SEC23A: variants seen among roughly 807,000 people sequenced by gnomAD.
SEC23A encodes the protein SEC23 homolog A, COPII component, also known as protein transport protein Sec23A.
SEC23A carries 56 observed loss-of-function variants against 103.7 expected under a neutral mutation model. That is an observed-to-expected ratio of 0.54 (90% CI 0.44 to 0.67). SEC23A has a LOEUF of 0.67. Among genes scored for constraint, SEC23A ranks in the 30% least tolerant of loss-of-function variants. The probability of loss-of-function intolerance (pLI) is 0.00; values close to 1 mark genes in which losing one functional copy is unlikely to be tolerated. For missense variants in SEC23A, 784 were observed against 936.4 expected (o/e 0.84, Z 2.12); for synonymous variants, 281 against 293.0 (o/e 0.96, Z 0.42).
chr14:39,074,835 T>C (rs1032832810), intron 8 of SEC23A, among the ~76,000 whole-genome samples: 39 of 152,142 alleles, frequency 2.6e-4, no homozygotes, highest in African/African-American at 9.4e-4. Context: ...AGGCTGGGCG[T>C]GGTGGCTCAC....
At chr14:39,045,999 G>T (rs1292355383) in intron 15 of SEC23A, among the ~76,000 whole-genome samples, 1 of 152,174 alleles carries the variant, frequency 6.6e-6, no homozygotes, top group Non-Finnish European at 1.5e-5. Flanking sequence ...ATGTCAGGGG[G>T]CAGTTTCCCC....
At chr14:39,081,936 T>C (rs1383111098) in intron 7 of SEC23A, among the ~76,000 whole-genome samples, 1 of 152,106 alleles carries the variant, frequency 6.6e-6, no homozygotes, top group Non-Finnish European at 1.5e-5. Context: ...AGGGTGCACA[T>C]GAAGCATTAT....
chr14:39,096,241 T>G, intron 1 of SEC23A, 102 bp from the exon 2 acceptor site: 1 of 826,810 alleles, frequency 1.2e-6, no homozygotes, highest in Non-Finnish European at 2.0e-6. Flanking sequence ...ACCTTAGAAA[T>G]CAGGACCAGC....
At chr14:39,042,227 A>G in intron 17 of SEC23A, among the ~76,000 whole-genome samples, 1 of 152,258 alleles carries the variant, frequency 6.6e-6, no homozygotes, top group Admixed American at 6.5e-5. Flanking sequence ...ATCCAGAGGA[A>G]GCACTTAACA....
At chr14:39,056,408 C>T (rs1416738638) in intron 13 of SEC23A, among the ~76,000 whole-genome samples, 4 of 152,190 alleles carry the variant, frequency 2.6e-5, no homozygotes. Flanking sequence ...GCTGGAATAA[C>T]AGGCGTGAGC....
intron 7 of SEC23A, among the ~76,000 whole-genome samples, chr14:39,079,069 C>T (rs143940449): frequency 6.6e-6 from 1 of 152,196 alleles, no homozygotes; most frequent in East Asian, 1.9e-4. Flanking sequence ...AAGAACGAGA[C>T]TACATCCAAT....
chr14:39,049,255 A>G (rs1594442297), intron 14 of SEC23A, among the ~76,000 whole-genome samples: 1 of 152,012 alleles, frequency 6.6e-6, no homozygotes, highest in Admixed American at 6.6e-5. Context: ...AGGCGGGCGG[A>G]TCACAAGGTC....
Position 39,048,892 on chromosome 14 carries a change from C to T in SEC23A, c.1660-163G>A, listed in dbSNP as rs57049071. On this transcript the variant is annotated intron_variant, in intron 14 of 19. Coordinates refer to ENST00000307712, the MANE Select transcript of SEC23A (RefSeq NM_006364.4). ...TTATAGACTTACCAAGAGACAAAAC[C>T]AAAGAAAAAACATCTAAATTTCAGA... Among the ~76,000 whole-genome samples, 20,022 of 151,832 alleles carry T rather than the reference C, an allele frequency of 0.13. 1,383 individuals are homozygous for T. The highest frequency in any genetic ancestry group is 0.18 in the Middle Eastern group (52 of 294).
intron 18 of SEC23A, chr14:39,039,960 A>G (rs1434340766): frequency 6.6e-6 from 1 of 152,226 alleles, no homozygotes; most frequent in Non-Finnish European, 1.5e-5. Context: ...AGTAAAACTA[A>G]TAGTAATTAT....
At chr14:39,054,315 G>A (rs760348704) in intron 14 of SEC23A, among the ~76,000 whole-genome samples, 7 of 151,658 alleles carry the variant, frequency 4.6e-5, no homozygotes, top group Non-Finnish European at 1.0e-4. Flanking sequence ...AGTGCTCTGT[G>A]TCATAATGTA....
chr14:39,057,305 C>CAAAAAAAAA, intron 13 of SEC23A, among the ~76,000 whole-genome samples: 1 of 144,216 alleles, frequency 6.9e-6, no homozygotes. Flanking sequence ...GACTTTGTCT[C>CAAAAAAAAA]AAAAAAAAAA....
chr14:39,055,053 G>A (rs1179992809), intron 14 of SEC23A, 90 bp downstream of exon 14: 2 of 1,472,864 alleles, frequency 1.4e-6, no homozygotes, highest in Non-Finnish European at 1.9e-6. Flanking sequence ...CAGATACACT[G>A]TTAAGTACTT....
chr14:39,068,796 A>G (rs1445378756), intron 9 of SEC23A, among the ~76,000 whole-genome samples: 1 of 152,186 alleles, frequency 6.6e-6, no homozygotes, highest in Non-Finnish European at 1.5e-5. Context: ...AAAATAGGCA[A>G]AAGAATAAAA....
Position 39,076,078 on chromosome 14 carries a change from T to A in SEC23A, c.844A>T (p.Thr282Ser). 6.2e-7 allele frequency: 1 copy of A among 1,612,598 alleles called. No homozygotes were observed. The highest frequency in any genetic ancestry group is 8.5e-7 in the Non-Finnish European group (1 of 1,179,154). Reference sequence around the variant, plus strand: ...ATGAACATCATGATACGAGCACCAGTGTTGGGAAAAGTACACTATTAAAAA... The same window carrying A: ...ATGAACATCATGATACGAGCACCAGAGTTGGGAAAAGTACACTATTAAAAA... ...VGLLECTFPN[T>S]GARIMMFIGG... The change falls in exon 8 of 20, where the codon ACT becomes TCT. Residue 282 changes from threonine to serine, a missense_variant. Thr to Ser is a moderately conservative substitution (Grantham distance 58). This residue lies in a region of SEC23A where 683 missense variants were observed against 774.2 expected (regional missense o/e 0.88). Coordinates refer to ENST00000307712, the MANE Select transcript of SEC23A (RefSeq NM_006364.4).
chr14:39,102,820 G>C (rs904355093), intron 1 of SEC23A, among the ~76,000 whole-genome samples: 1 of 152,182 alleles, frequency 6.6e-6, no homozygotes, highest in African/African-American at 2.4e-5. Context: ...TAATCCAGGG[G>C]AGCTGGAGGA....
chr14:39,084,398 G>A (rs1373490159), intron 7 of SEC23A, among the ~76,000 whole-genome samples: 3 of 152,090 alleles, frequency 2.0e-5, no homozygotes, highest in South Asian at 2.1e-4. Flanking sequence ...TCCACTTATT[G>A]TATCACTGTT....
At chr14:39,089,243 A>G (rs1304160851) in intron 5 of SEC23A, among the ~76,000 whole-genome samples, 3 of 152,110 alleles carry the variant, frequency 2.0e-5, no homozygotes, top group African/African-American at 7.2e-5. Context: ...AAGGTACTCT[A>G]CAATCAGAAC....
At chr14:39,046,525 C>A (rs1208080027) in intron 15 of SEC23A, among the ~76,000 whole-genome samples, 1 of 151,956 alleles carries the variant, frequency 6.6e-6, no homozygotes, top group Non-Finnish European at 1.5e-5. Flanking sequence ...ATTACCCAGT[C>A]CCGGGTATGT....
chr14:39,051,963 T>G (rs1261225683), intron 14 of SEC23A, among the ~76,000 whole-genome samples: 1 of 72,630 alleles, frequency 1.4e-5, no homozygotes, highest in Non-Finnish European at 3.1e-5. Flanking sequence ...CGAGGCTCCT[T>G]CTCGAAAAAA....
Sources: gnomAD v4.1 joint callset for allele counts (sites outside exome capture counted in the v4.1 genomes callset) on GRCh38, gnomAD v4.1.1 for gene constraint, gnomAD v4.1.1 regional missense constraint, MANE v1.5 for transcripts, NCBI Gene and HGNC (gene_info 2026-07-23, HGNC 2026-07-21) for gene names.